MSI2: variants seen among roughly 807,000 people sequenced by gnomAD.
The protein encoded by MSI2 is musashi RNA binding protein 2.
MSI2 carries 17 observed loss-of-function variants against 45.6 expected under a neutral mutation model. The observed-to-expected ratio is 0.37, with a 90% CI of 0.26 to 0.56. The LOEUF (loss-of-function observed/expected upper bound fraction) is 0.56, where lower values mean the gene tolerates loss of function less well. MSI2 is among the 20% of genes least tolerant of loss of function. The probability of loss-of-function intolerance (pLI) is 0.77; values close to 1 mark genes in which losing one functional copy is unlikely to be tolerated. For missense variants in MSI2, 293 were observed against 444.2 expected, an observed-to-expected ratio of 0.66 and a Z score of 3.06; for synonymous variants, 156 against 158.2, an observed-to-expected ratio of 0.99 and a Z score of 0.11.
chr17:57,281,277 C>T (rs553281970), intron 5 of MSI2, among the ~76,000 whole-genome samples: 3 of 152,254 alleles, frequency 2.0e-5, no homozygotes, highest in African/African-American at 7.2e-5. Flanking sequence ...GAGAGCATCA[C>T]GTGAGGGATA....
intron 5 of MSI2, among the ~76,000 whole-genome samples, chr17:57,321,801 A>T (rs549635515): frequency 2.4e-4 from 35 of 147,344 alleles, no homozygotes; most frequent in East Asian, 5.9e-4. Flanking sequence ...ATTTAAACAA[A>T]TTTTTTTTTT....
At chr17:57,632,795 CTTCCATTTG>C (rs1203012792) in intron 10 of MSI2, 6 of 1,065,702 alleles carry the variant, frequency 5.6e-6, no homozygotes, top group Non-Finnish European at 6.8e-6. Flanking sequence ...GACCCGCACG[CTTCCATTTG>C]ATGCATTTGA....
intron 6 of MSI2, among the ~76,000 whole-genome samples, chr17:57,404,005 G>A (rs1243162572): frequency 6.6e-6 from 1 of 152,052 alleles, no homozygotes; most frequent in East Asian, 1.9e-4. Flanking sequence ...CACCCCCTGT[G>A]CACACACATT....
chr17:57,651,680 C>T (rs577798228), intron 10 of MSI2, among the ~76,000 whole-genome samples: 23 of 152,358 alleles, frequency 1.5e-4, no homozygotes, highest in Admixed American at 6.5e-4. Context: ...GCCTGTGGCA[C>T]GGGGCTGACC....
Position 57,462,780 on chromosome 17 carries a change from A to G in MSI2, c.405+61309A>G, listed in dbSNP as rs114732446. Among the ~76,000 whole-genome samples the G allele has an allele frequency of 3.1e-3, 472 of 152,322 alleles. 6 individuals carry two copies. The highest frequency in any genetic ancestry group is 0.011 in the African/African-American group (447 of 41,574). On this transcript the variant is annotated intron_variant, in intron 6 of 13. Transcript: ENST00000284073. ...GCCCCCAAAGCATTATGGGCCATTA[A>G]GTCTGTAATGTGGCAGAGGCCTCTG...
chr17:57,545,170 C>T (rs1166626615), intron 7 of MSI2, among the ~76,000 whole-genome samples: 1 of 151,878 alleles, frequency 6.6e-6, no homozygotes, highest in Non-Finnish European at 1.5e-5. Flanking sequence ...TGGAGGCCCC[C>T]CCGTTTTTTA....
chr17:57,414,845 A>C (rs9897126), intron 6 of MSI2, among the ~76,000 whole-genome samples: 17,349 of 152,188 alleles, frequency 0.11, 1,120 homozygotes, highest in East Asian at 0.28. Flanking sequence ...AACTAAGGGA[A>C]TATCTGGGCA....
intron 5 of MSI2, among the ~76,000 whole-genome samples, chr17:57,383,766 G>T (rs918882901): frequency 5.9e-5 from 9 of 152,220 alleles, no homozygotes; most frequent in African/African-American, 2.2e-4. Flanking sequence ...GCATATGGTG[G>T]TGTGCCTTGG....
intron 7 of MSI2, among the ~76,000 whole-genome samples, chr17:57,547,598 C>T (rs2087198319): frequency 6.6e-6 from 1 of 151,936 alleles, no homozygotes; most frequent in South Asian, 2.1e-4. Context: ...TTGGGTTGAG[C>T]TCTTGAGGGA....
chr17:57,681,223 T>C lies in MSI2; in HGVS notation c.*1706T>C, dbSNP rs1913577089. 5.4e-6 allele frequency: 1 copy of C among 184,984 alleles called. No individual in the cohort carries two copies. Among genetic ancestry groups the C allele is most frequent in the African/African-American group, 2.3e-5 (1 of 42,646 alleles). The allele number at this position is 184,984 out of a possible 1,614,324, so 11.5% of individuals were successfully genotyped here. On this transcript the variant is annotated 3_prime_UTR_variant, in exon 14 of 14. Transcript: ENST00000284073. ...CTCGGTTGGGGAAAGATACTTATGA[T>C]GAAGGATATTTTTTAATTTAACTTT...
intron 5 of MSI2, among the ~76,000 whole-genome samples, chr17:57,378,781 G>A (rs1314345276): frequency 1.3e-5 from 2 of 152,178 alleles, no homozygotes; most frequent in East Asian, 3.9e-4. Flanking sequence ...GTCCACTGGG[G>A]AGAAGGTTCC....
At chr17:57,493,651 T>G (rs1598330774) in intron 6 of MSI2, among the ~76,000 whole-genome samples, 1 of 150,080 alleles carries the variant, frequency 6.7e-6, no homozygotes, top group Non-Finnish European at 1.5e-5. Context: ...GGAAACAGTC[T>G]TGAGCTGCGG....
intron 13 of MSI2, among the ~76,000 whole-genome samples, chr17:57,679,001 A>C (rs1278818172): frequency 1.3e-5 from 2 of 152,178 alleles, no homozygotes; most frequent in Non-Finnish European, 2.9e-5. Context: ...TCCTGTAACC[A>C]AAGCCGGTTA....
chr17:57,337,448 C>T (rs988550244), intron 5 of MSI2, among the ~76,000 whole-genome samples: 3 of 152,160 alleles, frequency 2.0e-5, no homozygotes, highest in Middle Eastern at 3.2e-3. Context: ...CTCATTTTCT[C>T]TCCACTTTCT....
intron 5 of MSI2, among the ~76,000 whole-genome samples, chr17:57,282,554 G>A (rs951835070): frequency 1.3e-5 from 2 of 152,122 alleles, no homozygotes; most frequent in Non-Finnish European, 2.9e-5. Flanking sequence ...AAGTGCCCAG[G>A]TCTCGAGATC....
At chr17:57,277,645 A>C (rs566771806) in intron 5 of MSI2, among the ~76,000 whole-genome samples, 1 of 152,288 alleles carries the variant, frequency 6.6e-6, no homozygotes, top group East Asian at 1.9e-4. Flanking sequence ...CTGGCATAAT[A>C]GTTTCCTAGC....
At chr17:57,560,387 G>C (rs1392789520) in intron 7 of MSI2, among the ~76,000 whole-genome samples, 1 of 152,212 alleles carries the variant, frequency 6.6e-6, no homozygotes, top group Non-Finnish European at 1.5e-5. Context: ...CTGGAGCGGG[G>C]TTGGTGGGGA....
At chr17:57,405,338 G>A (rs1055328459) in intron 6 of MSI2, among the ~76,000 whole-genome samples, 1 of 152,188 alleles carries the variant, frequency 6.6e-6, no homozygotes. Context: ...GTAGTTGTGT[G>A]CCAATAAAAC....
Position 57,680,538 on chromosome 17 carries a change from T to C in MSI2, c.*1021T>C, listed in dbSNP as rs1913535328. 4.4e-6 allele frequency: 1 copy of C among 229,016 alleles called. No homozygotes were observed. The highest frequency in any genetic ancestry group is 2.2e-5 in the African/African-American group (1 of 45,108). 14.2% of individuals were successfully genotyped at this position (229,016 alleles called of 1,614,324 possible). A position where few individuals can be genotyped will look rare whatever the true frequency, so the allele number is the denominator to read the frequency against. ...ACCACCCCAGGACAAGTTAGAGCAC[T>C]GTTTAGCTCCTTTGTCTGTGTGATA... is the stretch of plus-strand genomic sequence containing the variant. On this transcript the variant is annotated 3_prime_UTR_variant, in exon 14 of 14. Transcript: ENST00000284073.
Sources: allele counts gnomAD v4.1 joint callset (sites outside exome capture counted in the v4.1 genomes callset), GRCh38; gene constraint gnomAD v4.1.1; transcripts MANE v1.5; gene names NCBI Gene and HGNC (gene_info 2026-07-23, HGNC 2026-07-21).